Variants in DIP2B observed in about 807,000 individuals in gnomAD.
DIP2B encodes disco-interacting protein 2 homolog B.
Under a neutral mutation model 198.0 loss-of-function variants are expected in DIP2B, and 76 were observed. The ratio of observed to expected loss-of-function variants is 0.38; its 90% confidence interval spans 0.32 to 0.46. The LOEUF (loss-of-function observed/expected upper bound fraction) is 0.46. Among genes scored for constraint, DIP2B ranks in the 20% least tolerant of loss-of-function variants. DIP2B has a pLI of 0.99. For missense variants in DIP2B, 1,559 were observed against 1,978.4 expected, an observed-to-expected ratio of 0.79 and a Z score of 4.02; for synonymous variants, 701 against 739.1, an observed-to-expected ratio of 0.95 and a Z score of 0.84.
chr12:50,559,428 C>T (rs1421994419), intron 1 of DIP2B, among the ~76,000 whole-genome samples: 1 of 150,520 alleles, frequency 6.6e-6, no homozygotes, highest in Non-Finnish European at 1.5e-5. Context: ...TTTGACTAAC[C>T]AACAATTGGT....
At chr12:50,514,653 CTT>C (rs921864469) in intron 1 of DIP2B, among the ~76,000 whole-genome samples, 11 of 152,096 alleles carry the variant, frequency 7.2e-5, no homozygotes, top group African/African-American at 2.7e-4. Flanking sequence ...GCCCTTGACT[CTT>C]TGCCTTCAGC....
chr12:50,679,512 A>C (rs1412867262), intron 8 of DIP2B: 1 of 152,310 alleles, frequency 6.6e-6, no homozygotes, highest in African/African-American at 2.4e-5. Flanking sequence ...GACATAGTTT[A>C]AACTTTGGAT....
chr12:50,718,661 A>T (rs1939777916), intron 23 of DIP2B, 48 bp from the exon 24 acceptor site: 6 of 1,504,238 alleles, frequency 4.0e-6, no homozygotes, highest in Non-Finnish European at 5.5e-6. Context: ...CTGGATACTT[A>T]GTTGGAATCG....
At position 50,734,130 on chromosome 12, in the gene DIP2B, T is replaced by C. The variant is rs760330830; in HGVS notation, c.3982-5T>C. ...TAAACAACGCATTGATTTGTCTTTCTTTAGGGAACCTCAGGGCCTGATCCG... is the reference window on the plus strand; with the variant it reads ...TAAACAACGCATTGATTTGTCTTTCCTTAGGGAACCTCAGGGCCTGATCCG... On this transcript the variant is annotated splice_polypyrimidine_tract_variant and splice_region_variant and intron_variant, in intron 32 of 37. Transcript: ENST00000301180. 20 of 1,614,026 alleles carry C rather than the reference T, an allele frequency of 1.2e-5. No homozygotes were observed. Among genetic ancestry groups the C allele is most frequent in the Non-Finnish European group, 1.7e-5 (20 of 1,179,994 alleles).
chr12:50,671,108 G>A, intron 4 of DIP2B, 78 bp from the exon 5 acceptor site: 3 of 1,395,962 alleles, frequency 2.1e-6, no homozygotes, highest in South Asian at 1.2e-5. Context: ...GAAACTGAAT[G>A]TGTGATCAAT....
chr12:50,515,331 T>TAA (rs1057338645), intron 1 of DIP2B, among the ~76,000 whole-genome samples: 6 of 151,578 alleles, frequency 4.0e-5, no homozygotes, highest in African/African-American at 1.5e-4. Flanking sequence ...TCTCCCGGGT[T>TAA]AAAACAATTC....
intron 1 of DIP2B, among the ~76,000 whole-genome samples, chr12:50,540,248 C>T (rs980951194): frequency 6.6e-6 from 1 of 150,852 alleles, no homozygotes; most frequent in Admixed American, 6.7e-5. Context: ...GCTGGGATTA[C>T]AGGTGCCCAC....
At position 50,744,688 on chromosome 12, in the gene DIP2B, T is replaced by G; in HGVS notation, c.4580T>G (p.Leu1527Arg). ...GTCCCATTAGTGACCAACGTGGTCC[T>G]GGAAGAGCATTACCTCATCGTTGGC... The part of the protein sequence containing the change: ...DLVPLVTNVV[L>R]EEHYLIVGVV... The change falls in exon 38 of 38, where the codon CTG (leucine) becomes CGG (arginine). Residue 1527 changes from leucine to arginine, a missense_variant. Transcript: ENST00000301180. The G allele has an allele frequency of 6.2e-7, 1 of 1,614,226 alleles. No individual in the cohort carries two copies. Among genetic ancestry groups the G allele is most frequent in the Non-Finnish European group, 8.5e-7 (1 of 1,180,046 alleles).
At chr12:50,675,591 C>A in intron 7 of DIP2B, 143 bp downstream of exon 7, 1 of 791,402 alleles carries the variant, frequency 1.3e-6, no homozygotes, top group South Asian at 2.7e-5. Context: ...CTCTTTTTTC[C>A]CTAATGATTA....
intron 1 of DIP2B, among the ~76,000 whole-genome samples, chr12:50,595,436 G>A (rs1026980785): frequency 1.3e-5 from 2 of 152,124 alleles, no homozygotes; most frequent in African/African-American, 4.8e-5. Flanking sequence ...TCCCTGGGTA[G>A]CTGGGACTAC....
intron 1 of DIP2B, among the ~76,000 whole-genome samples, chr12:50,601,952 T>C (rs1958940534): frequency 6.6e-6 from 1 of 152,208 alleles, no homozygotes; most frequent in Admixed American, 6.5e-5. Context: ...ATTGCTCCAG[T>C]TGTATAATTC....
Position 50,640,829 on chromosome 12 carries a change from C to T in DIP2B, c.278C>T (p.Ala93Val). Residue 93 changes from alanine (A) to valine (V), a missense_variant, in exon 3 of 38, where the codon GCC becomes GTC. Coordinates refer to ENST00000301180, the MANE Select transcript of DIP2B (RefSeq NM_173602.3). ...TACCACCGAACTCGATCTGGGGGAG[C>T]CAGGGATGAACGATATCGATCAGGT... Reference protein sequence around the residue: ...SKYHRTRSGGARDERYRSDIH... With the variant: ...SKYHRTRSGGVRDERYRSDIH... 1 of 1,613,776 alleles carries T rather than the reference C, an allele frequency of 6.2e-7. No individual in the cohort carries two copies.
chr12:50,717,167 A>G (rs1302458974), intron 23 of DIP2B, among the ~76,000 whole-genome samples: 1 of 149,374 alleles, frequency 6.7e-6, no homozygotes, highest in African/African-American at 2.5e-5. Flanking sequence ...CTGGTGTCAA[A>G]CTCCTGTCCT....
intron 1 of DIP2B, among the ~76,000 whole-genome samples, chr12:50,587,282 G>T (rs1011030819): frequency 3.3e-5 from 5 of 152,002 alleles, no homozygotes; most frequent in African/African-American, 1.2e-4. Context: ...CCTTTCCCTG[G>T]TCCTTTTAGA....
chr12:50,692,755 C>T (rs757750205), intron 13 of DIP2B, among the ~76,000 whole-genome samples, 194 bp from the exon 14 acceptor site: 15 of 151,956 alleles, frequency 9.9e-5, no homozygotes, highest in Admixed American at 3.9e-4. Context: ...GAGAATTGAT[C>T]GAACCTGGGA....
At chr12:50,536,516 A>G (rs1958268806) in intron 1 of DIP2B, among the ~76,000 whole-genome samples, 1 of 152,174 alleles carries the variant, frequency 6.6e-6, no homozygotes, top group Admixed American at 6.6e-5. Context: ...TACTCAGTCA[A>G]AAGTTACATG....
Position 50,563,289 on chromosome 12 carries a change from C to T in DIP2B, c.100+58049C>T, listed in dbSNP as rs1413139051. The stretch of plus-strand genomic sequence containing the variant: ...GCAGTCTGCCCCGCCTGGGCTCAAA[C>T]GATTCTTCCACCTCAGCCTCCTGAG... On this transcript the variant is annotated intron_variant, in intron 1 of 37. Transcript: ENST00000301180. Among the ~76,000 whole-genome samples, 3 of 152,036 alleles carry T rather than the reference C, an allele frequency of 2.0e-5. No homozygotes were observed. In the South Asian group the frequency reaches 6.2e-4, roughly 31 times the overall value.
chr12:50,592,737 A>C (rs1480661218), intron 1 of DIP2B, among the ~76,000 whole-genome samples: 5 of 152,170 alleles, frequency 3.3e-5, no homozygotes, highest in African/African-American at 1.2e-4. Context: ...CGGCCTCCTA[A>C]AGTGCTGGGA....
intron 1 of DIP2B, among the ~76,000 whole-genome samples, chr12:50,534,262 C>A (rs555923852): frequency 1.3e-3 from 199 of 152,016 alleles, no homozygotes; most frequent in African/African-American, 4.8e-3. Context: ...CAAGTTTTAG[C>A]CAAATCCTTA....
Sources: allele counts gnomAD v4.1 joint callset (sites outside exome capture counted in the v4.1 genomes callset), GRCh38; gene constraint gnomAD v4.1.1; transcripts MANE v1.5; gene names NCBI Gene and HGNC (gene_info 2026-07-23, HGNC 2026-07-21).